Variants in PPP5C observed in about 807,000 individuals in gnomAD.
The protein encoded by PPP5C is protein phosphatase 5 catalytic subunit.
PPP5C carries 21 observed loss-of-function variants against 66.7 expected under a neutral mutation model. The observed-to-expected ratio is 0.31, with a 90% CI of 0.22 to 0.45. PPP5C has a LOEUF of 0.45. PPP5C is among the 20% of genes least tolerant of loss of function. PPP5C has a pLI of 1.00. For synonymous variants in PPP5C, 246 were observed against 257.4 expected (o/e 0.96, Z 0.43); for missense variants, 464 against 675.9 (o/e 0.69, Z 3.48).
At chr19:46,367,898 C>T (rs1042000318) in intron 2 of PPP5C, among the ~76,000 whole-genome samples, 2 of 152,126 alleles carry the variant, frequency 1.3e-5, no homozygotes, top group East Asian at 3.9e-4. Flanking sequence ...AGCTCAGGTC[C>T]GACTCTCAGT....
Position 46,375,618 on chromosome 19 carries a change from G to T in PPP5C, c.378G>T (p.Lys126Asn). The T allele has an allele frequency of 6.2e-7, 1 of 1,614,072 alleles. No homozygotes were observed. The highest frequency in any genetic ancestry group is 8.5e-7 in the Non-Finnish European group (1 of 1,179,960). The part of the protein sequence containing the change: ...LRDYETVVKV[K>N]PHDKDAKMKY... ...CTCCCACCCAGGTGGTCAAGGTGAAGCCCCATGACAAGGATGCCAAAATGA... is the reference window on the plus strand; with the variant it reads ...CTCCCACCCAGGTGGTCAAGGTGAATCCCCATGACAAGGATGCCAAAATGA... Residue 126 changes from lysine to asparagine, a missense_variant, in exon 3 of 13, where the codon AAG becomes AAT. Physicochemically the swap from Lys to Asn is moderately conservative, Grantham distance 94 (BLOSUM62 0). This residue lies in a region of PPP5C where 387 missense variants were observed against 626.0 expected (regional missense o/e 0.62). Transcript: ENST00000012443.
chr19:46,347,760 A>C (rs532366139), intron 1 of PPP5C, among the ~76,000 whole-genome samples: 300 of 152,228 alleles, frequency 2.0e-3, no homozygotes, highest in African/African-American at 6.7e-3. Flanking sequence ...ATCCTTAAGA[A>C]TAGTATCACT....
At chr19:46,359,367 C>T (rs1462812098) in intron 2 of PPP5C, among the ~76,000 whole-genome samples, 2 of 151,974 alleles carry the variant, frequency 1.3e-5, no homozygotes, top group East Asian at 1.9e-4. Context: ...ATATAATGCA[C>T]ATAAGGATTA....
At chr19:46,360,000 A>G (rs984392308) in intron 2 of PPP5C, among the ~76,000 whole-genome samples, 2 of 151,982 alleles carry the variant, frequency 1.3e-5, no homozygotes, top group Non-Finnish European at 2.9e-5. Flanking sequence ...GCTGGTCTTG[A>G]ACTCCTGACC....
chr19:46,349,826 G>A (rs975716202), intron 1 of PPP5C, among the ~76,000 whole-genome samples: 5 of 151,842 alleles, frequency 3.3e-5, no homozygotes, highest in African/African-American at 1.2e-4. Flanking sequence ...GTGGCTGCCT[G>A]GAGAGAGGGT....
rs371029972 is a variant in PPP5C at position 46,388,773 on chromosome 19, C to T, written c.1355+42C>T. 51 of 1,585,154 alleles carry T rather than the reference C, an allele frequency of 3.2e-5. No individual in the cohort carries two copies. Among genetic ancestry groups the T allele is most frequent in the African/African-American group, 1.4e-4 (10 of 73,752 alleles). ...CCAGCCCAGGGCCTCTACCAAGCCA[C>T]GGGTTTTTGTCTTGGTTTTTGTTTT... On this transcript the variant is annotated intron_variant, in intron 11 of 12. Coordinates refer to ENST00000012443, the MANE Select transcript of PPP5C (RefSeq NM_006247.4). This position sits in a 1 kb window ranked among gnomAD's most constrained non-coding sequence, Gnocchi z 4.9.
intron 2 of PPP5C, among the ~76,000 whole-genome samples, chr19:46,375,220 CG>C (rs997661455): frequency 5.3e-5 from 8 of 152,150 alleles, no homozygotes; most frequent in African/African-American, 1.7e-4. Flanking sequence ...TAGACCCAGC[CG>C]GGCCCTTCCT....
Position 46,375,799 on chromosome 19 carries a change from C to T in PPP5C, c.511+48C>T, listed in dbSNP as rs10420296. ...ACGCTCCAGCCCAGAACATTCCACACGGGCCTTCTCCATTCCCTGGGGGTG... is the reference window on the plus strand; with the variant it reads ...ACGCTCCAGCCCAGAACATTCCACATGGGCCTTCTCCATTCCCTGGGGGTG... On this transcript the variant is annotated intron_variant, in intron 3 of 12. Transcript: ENST00000012443. 2.0e-3 allele frequency: 2,989 copies of T among 1,531,240 alleles called. 56 individuals carry two copies. The African/African-American group carries it at 0.036, about 19-fold the overall frequency. The allele number at this position is 1,531,240 out of a possible 1,614,324, so 94.9% of individuals were successfully genotyped here.
chr19:46,357,150 C>T (rs183831217), intron 2 of PPP5C, among the ~76,000 whole-genome samples: 10 of 152,334 alleles, frequency 6.6e-5, no homozygotes, highest in Admixed American at 2.0e-4. Flanking sequence ...TGGGTTCAAG[C>T]GATCCTCCCA....
intron 2 of PPP5C, among the ~76,000 whole-genome samples, chr19:46,373,055 C>T (rs575071055): frequency 6.7e-4 from 102 of 152,376 alleles, no homozygotes; most frequent in African/African-American, 2.4e-3. Context: ...CTGGCACCAC[C>T]CCTACTTTCT....
chr19:46,366,819 G>C (rs1255249403), intron 2 of PPP5C, among the ~76,000 whole-genome samples: 1 of 152,202 alleles, frequency 6.6e-6, no homozygotes, highest in Non-Finnish European at 1.5e-5. Context: ...CGTAGCACGT[G>C]GCTTCAGGCG....
chr19:46,352,248 G>A (rs780354518), intron 1 of PPP5C, among the ~76,000 whole-genome samples: 2 of 152,222 alleles, frequency 1.3e-5, no homozygotes, highest in Non-Finnish European at 2.9e-5. Flanking sequence ...AGGGCTGTGT[G>A]TAAGAAGGAC....
At chr19:46,358,893 A>G (rs939078902) in intron 2 of PPP5C, among the ~76,000 whole-genome samples, 2 of 152,172 alleles carry the variant, frequency 1.3e-5, no homozygotes, top group Non-Finnish European at 1.5e-5. Context: ...TTGAGTCCAC[A>G]GGGTCAGTGG....
intron 4 of PPP5C, among the ~76,000 whole-genome samples, chr19:46,379,897 C>T (rs893091736): frequency 6.6e-6 from 1 of 152,204 alleles, no homozygotes; most frequent in Non-Finnish European, 1.5e-5. Flanking sequence ...TTTTGTGGGG[C>T]TTAATCATTT....
At chr19:46,387,017 G>GCCTT in intron 7 of PPP5C, 76 bp from the exon 8 acceptor site, 1 of 1,605,184 alleles carries the variant, frequency 6.2e-7, no homozygotes, top group Non-Finnish European at 8.5e-7. Flanking sequence ...ACAGTTCTGG[G>GCCTT]CCTTGAGGGT....
chr19:46,389,490 CTGCCAAGTTCT>C (rs964092004), intron 11 of PPP5C, among the ~76,000 whole-genome samples: 7 of 150,500 alleles, frequency 4.7e-5, no homozygotes, highest in African/African-American at 1.7e-4. Flanking sequence ...CACCCGAATC[CTGCCAAGTTCT>C]CTTTCTCCTG....
intron 2 of PPP5C, 142 bp downstream of exon 2, chr19:46,354,131 AGGC>A: frequency 7.8e-7 from 1 of 1,279,952 alleles, no homozygotes; most frequent in Non-Finnish European, 1.1e-6. Context: ...CCTTGGGCCC[AGGC>A]CAGAGTACCC....
chr19:46,363,206 G>T (rs1351643203), intron 2 of PPP5C, among the ~76,000 whole-genome samples: 1 of 134,544 alleles, frequency 7.4e-6, no homozygotes, highest in Admixed American at 7.6e-5. Context: ...TACTTGGGAG[G>T]CTGAGGCAGG....
intron 1 of PPP5C, among the ~76,000 whole-genome samples, chr19:46,348,807 T>G (rs1972131775): frequency 1.3e-5 from 2 of 151,872 alleles, no homozygotes; most frequent in Admixed American, 1.3e-4. Context: ...CCAGGAAAGG[T>G]GTCGGGAAGG....
Sources: gnomAD v4.1 joint callset for allele counts (sites outside exome capture counted in the v4.1 genomes callset) on GRCh38, gnomAD v4.1.1 for gene constraint, gnomAD v4.1.1 regional missense constraint, Gnocchi (gnomAD v3.1) non-coding constraint, MANE v1.5 for transcripts, NCBI Gene and HGNC (gene_info 2026-07-23, HGNC 2026-07-21) for gene names.